The following NDST3 variants were observed in gnomAD, a reference collection of about 807,000 sequenced individuals.
The protein encoded by NDST3 is N-deacetylase and N-sulfotransferase 3.
In NDST3, 58 loss-of-function variants were observed where a neutral mutation model predicts 96.1. The ratio of observed to expected loss-of-function variants is 0.60; its 90% CI spans 0.49 to 0.75. The LOEUF (loss-of-function observed/expected upper bound fraction) is 0.75. Ranked by LOEUF, NDST3 falls within the 30% of genes least tolerant of loss-of-function variation. NDST3 has a pLI of 0.00. For missense variants in NDST3, 788 were observed against 1,034.2 expected, an observed-to-expected ratio of 0.76 and a Z score of 3.27; for synonymous variants, 333 against 359.7, an observed-to-expected ratio of 0.93 and a Z score of 0.84.
intron 6 of NDST3, among the ~76,000 whole-genome samples, chr4:118,197,435 G>A (rs1468140735): frequency 6.6e-6 from 1 of 151,998 alleles, no homozygotes; most frequent in African/African-American, 2.4e-5. Flanking sequence ...TATTATATTG[G>A]GGTCTACTTC....
chr4:118,222,050 G>GA (rs1341003546), intron 6 of NDST3, among the ~76,000 whole-genome samples: 1 of 149,284 alleles, frequency 6.7e-6, no homozygotes, highest in Non-Finnish European at 1.5e-5. Flanking sequence ...AATTGTAAAA[G>GA]TATCATCTTT....
intron 1 of NDST3, among the ~76,000 whole-genome samples, chr4:118,049,468 A>G (rs955472646): frequency 6.6e-6 from 1 of 151,998 alleles, no homozygotes; most frequent in Non-Finnish European, 1.5e-5. Context: ...CACGACCGAT[A>G]GACCACTAGC....
chr4:118,064,690 T>A (rs564571639), intron 2 of NDST3, among the ~76,000 whole-genome samples: 1 of 152,250 alleles, frequency 6.6e-6, no homozygotes, highest in East Asian at 1.9e-4. Context: ...AACAGCTATG[T>A]ATGGTTTTCT....
intron 6 of NDST3, among the ~76,000 whole-genome samples, chr4:118,200,021 A>C (rs1342290912): frequency 6.6e-6 from 1 of 152,162 alleles, no homozygotes; most frequent in Non-Finnish European, 1.5e-5. Flanking sequence ...GGTCTTGCCC[A>C]AGCCCTGCTG....
intron 6 of NDST3, among the ~76,000 whole-genome samples, chr4:118,145,834 G>C (rs186193589): frequency 1.5e-4 from 23 of 152,252 alleles, no homozygotes; most frequent in Middle Eastern, 6.8e-3. Flanking sequence ...GACAAATCTT[G>C]TCAGATGCCA....
chr4:118,062,231 T>A (rs1725952197), intron 2 of NDST3, among the ~76,000 whole-genome samples: 1 of 152,186 alleles, frequency 6.6e-6, no homozygotes, highest in Non-Finnish European at 1.5e-5. Context: ...TTATGCATTG[T>A]AAATGTCTTT....
intron 3 of NDST3, among the ~76,000 whole-genome samples, chr4:118,110,050 A>C (rs1035472086): frequency 6.6e-6 from 1 of 152,196 alleles, no homozygotes; most frequent in Non-Finnish European, 1.5e-5. Flanking sequence ...AGATAAGAAC[A>C]TAGAAACTTA....
At chr4:118,066,110 ATT>A (rs1356573273) in intron 2 of NDST3, among the ~76,000 whole-genome samples, 3 of 36,602 alleles carry the variant, frequency 8.2e-5, no homozygotes, top group East Asian at 6.4e-4. Flanking sequence ...TATATAATAT[ATT>A]TTATATATTA....
At position 118,136,499 on chromosome 4, in the gene NDST3, C is replaced by T. The variant is rs192459193; in HGVS notation, c.1225-1555C>T. On this transcript the variant is annotated intron_variant, in intron 4 of 13. Transcript: ENST00000296499. ...TAGTTTGAGTTTTTAAAAACCAGTACGAAAAAAGCAATGAGATATTTCAAT... is the reference window on the plus strand; with the variant it reads ...TAGTTTGAGTTTTTAAAAACCAGTATGAAAAAAGCAATGAGATATTTCAAT... Among the ~76,000 whole-genome samples, 222 of 151,948 alleles carry T rather than the reference C, an allele frequency of 1.5e-3. 3 individuals are homozygous for T. Among genetic ancestry groups the T allele is most frequent in the African/African-American group, 4.6e-3 (191 of 41,422 alleles).
chr4:118,076,624 G>A (rs1186419588), intron 2 of NDST3, among the ~76,000 whole-genome samples: 6 of 152,080 alleles, frequency 3.9e-5, no homozygotes, highest in South Asian at 2.1e-4. Context: ...TTCTTGCAGC[G>A]AGTTTTTCAG....
intron 6 of NDST3, among the ~76,000 whole-genome samples, chr4:118,200,338 G>A (rs1192591803): frequency 6.6e-6 from 1 of 152,154 alleles, no homozygotes; most frequent in Non-Finnish European, 1.5e-5. Context: ...GGCCACCTCA[G>A]GCCCACAGGG....
chr4:118,242,917 T>C (rs1741095696), intron 12 of NDST3, among the ~76,000 whole-genome samples: 1 of 152,156 alleles, frequency 6.6e-6, no homozygotes, highest in Admixed American at 6.5e-5. Context: ...ACCCTAGTGC[T>C]GACTCTGGGC....
Position 118,204,958 on chromosome 4 carries a change from A to T in NDST3, c.1540-19533A>T, listed in dbSNP as rs982924128. Among the ~76,000 whole-genome samples, 3 of 144,520 alleles carry T rather than the reference A, an allele frequency of 2.1e-5. 1 individual carries two copies. The highest frequency in any genetic ancestry group is 7.7e-5 in the African/African-American group (3 of 39,152). 94.8% of individuals were successfully genotyped at this position (144,520 alleles called of 152,430 possible). On this transcript the variant is annotated intron_variant, in intron 6 of 13. Transcript: ENST00000296499. ...GATTTTCTTAGTATTCACTCACTCTATATCTGTGTACAAGTAATTGGCTTA... is the reference window on the plus strand; with the variant it reads ...GATTTTCTTAGTATTCACTCACTCTTTATCTGTGTACAAGTAATTGGCTTA...
At chr4:118,254,333 T>A (rs1308971683) in intron 13 of NDST3, among the ~76,000 whole-genome samples, 3 of 152,102 alleles carry the variant, frequency 2.0e-5, no homozygotes, top group African/African-American at 7.2e-5. Flanking sequence ...TGTAAGTTAC[T>A]GATATAATAT....
At chr4:118,253,736 C>A in intron 13 of NDST3, 135 bp downstream of exon 13, 2 of 582,834 alleles carry the variant, frequency 3.4e-6, no homozygotes, top group Non-Finnish European at 6.1e-6. Flanking sequence ...AATTTCAGTA[C>A]AGGTAGGTTG....
chr4:118,197,053 T>C (rs894806043), intron 6 of NDST3, among the ~76,000 whole-genome samples: 11 of 152,042 alleles, frequency 7.2e-5, no homozygotes, highest in Admixed American at 3.9e-4. Flanking sequence ...ATTATCATTT[T>C]TTCCAAGAAA....
intron 2 of NDST3, among the ~76,000 whole-genome samples, chr4:118,063,229 C>G (rs1212853280): frequency 6.6e-6 from 1 of 151,312 alleles, no homozygotes; most frequent in Non-Finnish European, 1.5e-5. Context: ...TGAATCCAAC[C>G]CACGCATGAT....
chr4:118,198,442 A>G (rs934980109), intron 6 of NDST3, among the ~76,000 whole-genome samples: 1 of 152,208 alleles, frequency 6.6e-6, no homozygotes, highest in African/African-American at 2.4e-5. Flanking sequence ...AAGAAAATTT[A>G]CAAAGACTTC....
chr4:118,165,147 A>T (rs1409741467), intron 6 of NDST3, among the ~76,000 whole-genome samples: 2 of 152,132 alleles, frequency 1.3e-5, no homozygotes, highest in Non-Finnish European at 2.9e-5. Flanking sequence ...CTGAATGGAT[A>T]ACAAAAACAA....
Sources: allele counts gnomAD v4.1 joint callset (sites outside exome capture counted in the v4.1 genomes callset), GRCh38; gene constraint gnomAD v4.1.1; transcripts MANE v1.5; gene names NCBI Gene and HGNC (gene_info 2026-07-23, HGNC 2026-07-21).